Variants in SRRM4 observed in about 807,000 individuals in gnomAD.
The protein encoded by SRRM4 is serine/arginine repetitive matrix 4.
A neutral mutation model predicts 68.9 loss-of-function variants in SRRM4; 33 were observed. The observed-to-expected ratio is 0.48, with a 90% CI of 0.36 to 0.64. The LOEUF (loss-of-function observed/expected upper bound fraction) is 0.64, where lower values mean the gene tolerates loss of function less well. SRRM4 is among the 30% of genes least tolerant of loss of function. The probability of loss-of-function intolerance (pLI) is 0.00; values close to 1 mark genes in which losing one functional copy is unlikely to be tolerated. For missense variants in SRRM4, 817 were observed against 827.1 expected (o/e 0.99, Z 0.15); for synonymous variants, 318 against 318.8 (o/e 1.00, Z 0.03).
chr12:119,113,312 A>G (rs1294870499), intron 2 of SRRM4, among the ~76,000 whole-genome samples: 1 of 152,212 alleles, frequency 6.6e-6, no homozygotes, highest in Non-Finnish European at 1.5e-5. Flanking sequence ...AAGTTTGAGA[A>G]GGCAGCTGGT....
chr12:119,024,775 A>G (rs971636739), intron 1 of SRRM4, among the ~76,000 whole-genome samples: 1 of 152,122 alleles, frequency 6.6e-6, no homozygotes, highest in Non-Finnish European at 1.5e-5. Flanking sequence ...CTTTACGTCC[A>G]ACCCAGGCTG....
rs1461211950 is a variant in SRRM4, at chr12:119,156,704, G to A, written c.1742G>A (p.Ser581Asn). ...CGCAGCCCTAGTCCGGGCTCCCGCAGCCGGAGCCGGAGCAGGAGCCGGAGC... is the reference window on the plus strand; with the variant it reads ...CGCAGCCCTAGTCCGGGCTCCCGCAACCGGAGCCGGAGCAGGAGCCGGAGC... ...SSRSPSPGSR[S>N]RSRSRSRSRS... The change falls in exon 13 of 13, where the codon AGC becomes AAC. Residue 581 changes from serine to asparagine, a missense_variant. Coordinates refer to ENST00000267260, the MANE Select transcript of SRRM4 (RefSeq NM_194286.4). The A allele has an allele frequency of 2.6e-6, 4 of 1,547,620 alleles. No individual in the cohort carries two copies. In the African/African-American group the frequency reaches 4.1e-5, roughly 16 times the overall value.
At chr12:119,051,864 A>G (rs950119501) in intron 1 of SRRM4, among the ~76,000 whole-genome samples, 1 of 152,236 alleles carries the variant, frequency 6.6e-6, no homozygotes, top group South Asian at 2.1e-4. Context: ...ATCGTCAAAC[A>G]TGATAGGTAA....
intron 8 of SRRM4, among the ~76,000 whole-genome samples, chr12:119,131,811 T>G (rs1226280624): frequency 6.6e-6 from 1 of 152,302 alleles, no homozygotes; most frequent in South Asian, 2.1e-4. Flanking sequence ...AGAGTCAACA[T>G]TGATAGGGTC....
At chr12:119,115,722 C>T (rs1019128226) in intron 3 of SRRM4, among the ~76,000 whole-genome samples, 1 of 152,190 alleles carries the variant, frequency 6.6e-6, no homozygotes, top group African/African-American at 2.4e-5. Flanking sequence ...AAAAGGAAAC[C>T]TCAGATATTA....
chr12:119,087,350 A>G (rs997115279), intron 1 of SRRM4, among the ~76,000 whole-genome samples: 10 of 152,238 alleles, frequency 6.6e-5, no homozygotes, highest in African/African-American at 2.4e-4. Flanking sequence ...AGATAGAGGC[A>G]GGTGAAAGAA....
intron 10 of SRRM4, among the ~76,000 whole-genome samples, chr12:119,151,969 A>G (rs537290442): frequency 6.6e-6 from 1 of 152,318 alleles, no homozygotes; most frequent in Non-Finnish European, 1.5e-5. Flanking sequence ...ATTGCAGGGG[A>G]TGTGGACACT....
chr12:119,127,132 C>T (rs921483146), intron 7 of SRRM4, among the ~76,000 whole-genome samples: 2 of 149,692 alleles, frequency 1.3e-5, no homozygotes, highest in African/African-American at 2.5e-5. Context: ...GTGGGTGCAG[C>T]ACACCAGCAT....
chr12:119,141,266 T>C (rs1954363603), intron 8 of SRRM4, among the ~76,000 whole-genome samples: 1 of 152,148 alleles, frequency 6.6e-6, no homozygotes, highest in Non-Finnish European at 1.5e-5. Context: ...ATTTGAATGC[T>C]CCCAGCATAA....
intron 1 of SRRM4, 72 bp from the exon 2 acceptor site, chr12:119,102,164 A>G: frequency 7.0e-7 from 1 of 1,424,680 alleles, no homozygotes; most frequent in Admixed American, 2.1e-5. Context: ...TAGTAATTCT[A>G]TGAATATTTA....
rs1954510458 is a variant in SRRM4 at position 119,161,095 on chromosome 12, C to T, written c.*4297C>T. On this transcript the variant is annotated 3_prime_UTR_variant, in exon 13 of 13. Coordinates refer to ENST00000267260, the MANE Select transcript of SRRM4 (RefSeq NM_194286.4). ...CTTGGAGAGGCCAAAATTCAGGGTG[C>T]TCTCAAAGGCAAAGAAAGCACATTG... 2 of 152,202 alleles carry T rather than the reference C, an allele frequency of 1.3e-5. No individual in the cohort carries two copies. Among genetic ancestry groups the T allele is most frequent in the South Asian group, 2.1e-4 (1 of 4,826 alleles). 9.4% of individuals were successfully genotyped at this position (152,202 alleles called of 1,614,324 possible). A position where few individuals can be genotyped will look rare whatever the true frequency, so the allele number is the denominator to read the frequency against.
intron 7 of SRRM4, 120 bp from the exon 8 acceptor site, chr12:119,130,558 T>C (rs1954290594): frequency 1.1e-6 from 1 of 931,774 alleles, no homozygotes; most frequent in East Asian, 2.7e-5. Flanking sequence ...ATATCACATA[T>C]GAACATATAC....
chr12:119,156,407 A>G (rs1954471250), intron 12 of SRRM4, 88 bp from the exon 13 acceptor site: 2 of 1,467,518 alleles, frequency 1.4e-6, no homozygotes, highest in South Asian at 1.4e-5. Flanking sequence ...AAGGGAGGAT[A>G]TTGGTTTCCC....
intron 1 of SRRM4, among the ~76,000 whole-genome samples, chr12:119,057,288 AC>A (rs1372882175): frequency 1.3e-5 from 2 of 152,142 alleles, no homozygotes; most frequent in Non-Finnish European, 2.9e-5. Context: ...TCAACTCATC[AC>A]CTAGGTATTA....
chr12:119,019,947 G>A (rs796604220), intron 1 of SRRM4, among the ~76,000 whole-genome samples: 49 of 37,916 alleles, frequency 1.3e-3, no homozygotes, highest in African/African-American at 4.1e-3. Context: ...AGTTCCCCCC[G>A]CTCCCCCCCC....
intron 2 of SRRM4, among the ~76,000 whole-genome samples, chr12:119,112,936 C>T (rs1349616932): frequency 5.3e-5 from 8 of 151,968 alleles, no homozygotes; most frequent in Admixed American, 5.2e-4. Context: ...CCTGCACATC[C>T]TGCAAATGTA....
At position 119,145,674 on chromosome 12, in the gene SRRM4, CAG is replaced by C; in HGVS notation, c.1070_1071del (p.Glu357ValfsTer68). ...LENLSPTSRG[R>X]ESRGFQSPCL... is the part of the protein sequence containing the mutation. ...AGAATCTCTCCCCCACCAGCAGGGG[CAG>C]AGAGTCAAGGTCAGTGCACCACACA... On this transcript the variant is annotated frameshift_variant, in exon 9 of 13. Coordinates refer to ENST00000267260, the MANE Select transcript of SRRM4 (RefSeq NM_194286.4). LOFTEE classifies it high-confidence loss of function. The C allele has an allele frequency of 1.3e-6, 2 of 1,521,914 alleles. No homozygotes were observed. Among genetic ancestry groups the C allele is most frequent in the Non-Finnish European group, 1.8e-6 (2 of 1,135,700 alleles). The allele number at this position is 1,521,914 out of a possible 1,614,324, so 94.3% of individuals were successfully genotyped here. A position where few individuals can be genotyped will look rare whatever the true frequency, so the allele number is the denominator to read the frequency against.
chr12:119,014,378 TC>T (rs1953468667), intron 1 of SRRM4, among the ~76,000 whole-genome samples: 1 of 152,104 alleles, frequency 6.6e-6, no homozygotes. Context: ...TTTATCTCCT[TC>T]CCCGATCCCC....
At chr12:119,074,380 C>T (rs1377654094) in intron 1 of SRRM4, among the ~76,000 whole-genome samples, 1 of 152,120 alleles carries the variant, frequency 6.6e-6, no homozygotes, top group Non-Finnish European at 1.5e-5. Context: ...GCAGAAGCAC[C>T]ATCTTTGTGA....
Sources: allele counts gnomAD v4.1 joint callset (sites outside exome capture counted in the v4.1 genomes callset), GRCh38; gene constraint gnomAD v4.1.1; transcripts MANE v1.5; gene names NCBI Gene and HGNC (gene_info 2026-07-23, HGNC 2026-07-21).